PEX11A: variants seen among roughly 807,000 people sequenced by gnomAD.
The protein encoded by PEX11A is peroxisomal membrane protein 11A.
In PEX11A, 13 loss-of-function variants were observed where a neutral mutation model predicts 14.4. That is an observed-to-expected ratio of 0.90 (90% CI 0.59 to 1.43). The LOEUF is 1.43. Ranked by LOEUF, PEX11A falls within the 40% of genes most tolerant of loss-of-function variation. PEX11A has a pLI of 0.00. For synonymous variants in PEX11A, 101 were observed against 113.0 expected (o/e 0.89, Z 0.67); for missense variants, 290 against 302.8 (o/e 0.96, Z 0.31).
At chr15:89,684,023 G>A (rs894150903) in intron 2 of PEX11A, 75 bp from the exon 3 acceptor site, 2 of 1,103,268 alleles carry the variant, frequency 1.8e-6, no homozygotes, top group Middle Eastern at 2.1e-4. Flanking sequence ...CTGTATCAGG[G>A]TGAGGAGCCA....
At position 89,683,678 on chromosome 15, in the gene PEX11A, C is replaced by G. The variant is rs765242326; in HGVS notation, c.443G>C (p.Arg148Pro). 1.2e-6 allele frequency: 2 copies of G among 1,613,970 alleles called. No homozygotes were observed. Among genetic ancestry groups the G allele is most frequent in the Admixed American group, 3.3e-5 (2 of 60,004 alleles). Residue 148 changes from arginine (R) to proline (P), a missense_variant, in exon 3 of 3, where the codon CGA becomes CCA. Transcript: ENST00000300056. ...DLYEISLQMKRVTCDRAKKEK... is the reference protein window; with the variant it reads ...DLYEISLQMKPVTCDRAKKEK... ...TTTCTTTGCCCTGTCACATGTAACT[C>G]GTTTCATCTGCAGGGAGATTTCATA... is the stretch of plus-strand genomic sequence containing the variant.
rs747856118 is a variant in PEX11A at position 89,686,565 on chromosome 15, A to T, written c.57-19T>A. 9.5e-7 allele frequency: 1 copy of T among 1,047,648 alleles called. No individual in the cohort carries two copies. The highest frequency in any genetic ancestry group is 2.0e-4 in the Middle Eastern group (1 of 4,900). 64.9% of individuals were successfully genotyped at this position (1,047,648 alleles called of 1,614,324 possible). On this transcript the variant is annotated intron_variant, in intron 1 of 2. Coordinates refer to ENST00000300056, the MANE Select transcript of PEX11A (RefSeq NM_003847.3). ...AGTGGCTCTGAAATGGAAAAAAAAA[A>T]ATTGAGAAGAATGATTTACAAACCA...
chr15:89,689,695 A>G (rs1426534037), intron 1 of PEX11A, among the ~76,000 whole-genome samples: 1 of 152,018 alleles, frequency 6.6e-6, no homozygotes, highest in African/African-American at 2.4e-5. Flanking sequence ...TCCCCACTGT[A>G]TTTCCCCCCA....
intron 1 of PEX11A, 86 bp downstream of exon 1, chr15:89,690,482 TAGGCTATCA>T (rs1964809362): frequency 1.1e-6 from 1 of 873,592 alleles, no homozygotes; most frequent in Admixed American, 2.3e-5. Flanking sequence ...TTCCATCTAC[TAGGCTATCA>T]CCTCCTTTTT....
chr15:89,690,507 G>T, intron 1 of PEX11A, 70 bp downstream of exon 1: 2 of 1,178,668 alleles, frequency 1.7e-6, no homozygotes, highest in African/African-American at 1.5e-5. Flanking sequence ...TTTTTCCCGG[G>T]TGCAGGGGAA....
intron 1 of PEX11A, among the ~76,000 whole-genome samples, chr15:89,686,954 C>T (rs1419944640): frequency 4.6e-5 from 7 of 151,550 alleles, no homozygotes; most frequent in South Asian, 2.1e-4. Context: ...GATCGAGTCT[C>T]GCTCTTTCGC....
At chr15:89,684,054 G>A (rs1301528777) in intron 2 of PEX11A, 106 bp from the exon 3 acceptor site, 1 of 787,458 alleles carries the variant, frequency 1.3e-6, no homozygotes, top group African/African-American at 1.7e-5. Context: ...GTTTTTTGTT[G>A]AGACAGGGTC....
At chr15:89,689,109 AT>A (rs1964739679) in intron 1 of PEX11A, among the ~76,000 whole-genome samples, 1 of 152,194 alleles carries the variant, frequency 6.6e-6, no homozygotes, top group Non-Finnish European at 1.5e-5. Context: ...TGAAATTTCT[AT>A]TTAATGAAGC....
chr15:89,684,981 G>A (rs1964655823), intron 2 of PEX11A, among the ~76,000 whole-genome samples: 1 of 152,078 alleles, frequency 6.6e-6, no homozygotes, highest in African/African-American at 2.4e-5. Context: ...CCTGAGGTTA[G>A]GAGTTTGAGA....
chr15:89,688,466 C>T (rs1330214715), intron 1 of PEX11A, among the ~76,000 whole-genome samples: 4 of 152,024 alleles, frequency 2.6e-5, no homozygotes, highest in African/African-American at 9.7e-5. Context: ...GTTCTTGGCT[C>T]TCTGCAAACT....
intron 1 of PEX11A, among the ~76,000 whole-genome samples, chr15:89,689,262 T>G (rs1964746095): frequency 6.6e-6 from 1 of 152,204 alleles, no homozygotes; most frequent in Non-Finnish European, 1.5e-5. Context: ...AACCTCTTTC[T>G]GCTTCAGTTT....
intron 1 of PEX11A, chr15:89,688,091 G>A (rs887831930): frequency 9.4e-6 from 5 of 533,338 alleles, no homozygotes; most frequent in South Asian, 2.8e-5. Context: ...CTGGAAAATC[G>A]GCTTAGTCTG....
intron 1 of PEX11A, among the ~76,000 whole-genome samples, chr15:89,689,294 T>C (rs1964748194): frequency 6.6e-6 from 1 of 152,124 alleles, no homozygotes. Context: ...GTGGGTAAAA[T>C]ATTTAGAGTA....
intron 1 of PEX11A, chr15:89,688,290 T>G: frequency 4.1e-6 from 2 of 482,792 alleles, no homozygotes; most frequent in Admixed American, 4.4e-5. Flanking sequence ...GGTATTATTT[T>G]ATGAATGCCA....
In PEX11A at chr15:89,681,594, A is replaced by T. The variant is rs570882191; in HGVS notation, c.*1783T>A. 2.0e-4 allele frequency: 133 copies of T among 680,780 alleles called. 1 individual carries two copies. In the South Asian group the frequency reaches 2.1e-3, roughly 11 times the overall value. 42.2% of individuals were successfully genotyped at this position (680,780 alleles called of 1,614,324 possible). A position where few individuals can be genotyped will look rare whatever the true frequency, so the allele number is the denominator to read the frequency against. On this transcript the variant is annotated 3_prime_UTR_variant, in exon 3 of 3. Coordinates refer to ENST00000300056, the MANE Select transcript of PEX11A (RefSeq NM_003847.3). ...ATTACAGTAGAGGATCTGGACAATAAAAATAGTTATTTAAGCTTTTTATTT... is the reference window on the plus strand; with the variant it reads ...ATTACAGTAGAGGATCTGGACAATATAAATAGTTATTTAAGCTTTTTATTT...
chr15:89,690,299 C>G (rs992289274), intron 1 of PEX11A, among the ~76,000 whole-genome samples: 2 of 152,184 alleles, frequency 1.3e-5, no homozygotes, highest in Non-Finnish European at 2.9e-5. Flanking sequence ...GATCTGTCAG[C>G]CGGTGTCCCG....
In PEX11A at chr15:89,681,576, T is replaced by C. The variant is rs2141545173; in HGVS notation, c.*1801A>G. 1.4e-6 allele frequency: 1 copy of C among 700,830 alleles called. No homozygotes were observed. The highest frequency in any genetic ancestry group is 1.5e-5 in the South Asian group (1 of 67,306). The allele number at this position is 700,830 out of a possible 1,614,324, so 43.4% of individuals were successfully genotyped here. A position where few individuals can be genotyped will look rare whatever the true frequency, so the allele number is the denominator to read the frequency against. On this transcript the variant is annotated 3_prime_UTR_variant, in exon 3 of 3. Transcript: ENST00000300056. ...ATTGAACATAGTTAATCTATTACAG[T>C]AGAGGATCTGGACAATAAAAATAGT...
At chr15:89,684,672 A>G (rs1227365788) in intron 2 of PEX11A, among the ~76,000 whole-genome samples, 1 of 152,232 alleles carries the variant, frequency 6.6e-6, no homozygotes, top group Non-Finnish European at 1.5e-5. Flanking sequence ...ATTGTCACAG[A>G]GCTCCTAGTT....
rs1964621808 is a variant in PEX11A at position 89,683,118 on chromosome 15, A to C, written c.*259T>G. 6.3e-6 allele frequency: 3 copies of C among 474,582 alleles called. No homozygotes were observed. Among genetic ancestry groups the C allele is most frequent in the Admixed American group, 3.8e-5 (1 of 26,336 alleles). The allele number at this position is 474,582 out of a possible 1,614,324, so 29.4% of individuals were successfully genotyped here. On this transcript the variant is annotated 3_prime_UTR_variant, in exon 3 of 3. Coordinates refer to ENST00000300056, the MANE Select transcript of PEX11A (RefSeq NM_003847.3). ...ATACTAAGCTCCCACTATGCACATA[A>C]GAGATGTTCAATCAATGTTAGATGA... is the stretch of plus-strand genomic sequence containing the variant.
Sources: allele counts gnomAD v4.1 joint callset (sites outside exome capture counted in the v4.1 genomes callset), GRCh38; gene constraint gnomAD v4.1.1; transcripts MANE v1.5; gene names NCBI Gene and HGNC (gene_info 2026-07-23, HGNC 2026-07-21).